Variants in TPRG1 observed in about 807,000 individuals in gnomAD.
TPRG1 encodes tumor protein p63 regulated 1, also known as tumor protein p63-regulated gene 1 protein.
TPRG1 carries 29 observed loss-of-function variants against 29.3 expected under a neutral mutation model. That is an observed-to-expected ratio of 0.99 (90% CI 0.74 to 1.35). TPRG1 has a LOEUF of 1.35. Ranked by LOEUF, TPRG1 falls within the 40% of genes most tolerant of loss-of-function variation. The pLI, the probability that TPRG1 is intolerant of heterozygous loss-of-function variation, is 0.00. For missense variants in TPRG1, 327 were observed against 335.0 expected (o/e 0.98, Z 0.19); for synonymous variants, 130 against 116.8 (o/e 1.11, Z -0.73).
chr3:189,130,858 A>G (rs11916088), intron 2 of TPRG1, among the ~76,000 whole-genome samples: 51,740 of 152,054 alleles, frequency 0.34, 10,401 homozygotes, highest in African/African-American at 0.53. Context: ...TGAGTTTGAG[A>G]TGCAGGGAAT....
chr3:189,064,661 A>G (rs530302232), intron 4 of TPRG1, among the ~76,000 whole-genome samples: 3 of 152,166 alleles, frequency 2.0e-5, no homozygotes, highest in Non-Finnish European at 4.4e-5. Flanking sequence ...AAGTGAGATG[A>G]CATCCCTAAT....
intron 3 of TPRG1, among the ~76,000 whole-genome samples, chr3:189,147,391 C>T (rs1246825691): frequency 3.3e-5 from 5 of 152,124 alleles, no homozygotes; most frequent in African/African-American, 4.8e-5. Flanking sequence ...TGGCAGCCAC[C>T]CCTCCCTGCT....
chr3:189,047,926 C>A (rs1038593426), intron 4 of TPRG1, among the ~76,000 whole-genome samples: 1 of 152,164 alleles, frequency 6.6e-6, no homozygotes. Context: ...AAGTCTGGAA[C>A]CCCTCAGTTA....
rs1457979852 is a variant in TPRG1, at chr3:189,238,874, G to A, written c.444G>A (p.Leu148=). ...IPLSAVYRIC[L]GKFTFPGMSL... is the part of the protein sequence containing the mutation. The stretch of plus-strand genomic sequence containing the variant: ...TGAGCGCTGTCTATCGCATCTGCCT[G>A]GGCAAGTTCACCTTCCCTGGGATGT... The change falls in exon 4 of 6, where the codon CTG becomes CTA. Residue 148 remains leucine (L), a synonymous_variant. Coordinates refer to ENST00000345063, the MANE Select transcript of TPRG1 (RefSeq NM_198485.4). 6.2e-7 allele frequency: 1 copy of A among 1,613,248 alleles called. No homozygotes were observed. The highest frequency in any genetic ancestry group is 2.2e-5 in the East Asian group (1 of 44,850).
chr3:189,323,295 T>C lies in TPRG1; in HGVS notation c.*2475T>C, dbSNP rs752430632. On this transcript the variant is annotated 3_prime_UTR_variant, in exon 6 of 6. Coordinates refer to ENST00000345063, the MANE Select transcript of TPRG1 (RefSeq NM_198485.4). ...GCTAGTACTTAGTTAATTAGACCCA[T>C]TTTTTTCTTAGGAAAGAGTTGGATC... 6.6e-6 allele frequency: 1 copy of C among 152,036 alleles called. No homozygotes were observed. The highest frequency in any genetic ancestry group is 6.6e-5 in the Admixed American group (1 of 15,246). The allele number at this position is 152,036 out of a possible 1,614,324, so 9.4% of individuals were successfully genotyped here.
rs1263214783 is a variant in TPRG1, at chr3:189,144,618, TG to T, written c.-290-2965del. ...TGCATCTTATCACAGGACTAAACAG[TG>T]AAGCCAGGAAATAGTATGAGTTTCC... On this transcript the variant is annotated intron_variant, in intron 3 of 6. Coordinates refer to the TPRG1 transcript ENST00000412373. 2.0e-5 allele frequency among the ~76,000 whole-genome samples: 3 copies of T among 152,210 alleles called. 1 individual carries two copies. Among genetic ancestry groups the T allele is most frequent in the African/African-American group, 7.2e-5 (3 of 41,460 alleles).
chr3:189,186,416 T>C (rs554356035), intron 1 of TPRG1, among the ~76,000 whole-genome samples: 1 of 152,336 alleles, frequency 6.6e-6, no homozygotes, highest in Non-Finnish European at 1.5e-5. Flanking sequence ...GATGTTTTTT[T>C]CCTTGTTGAA....
intron 4 of TPRG1, among the ~76,000 whole-genome samples, chr3:189,300,250 C>A (rs2109259724): frequency 6.6e-6 from 1 of 152,250 alleles, no homozygotes; most frequent in Admixed American, 6.5e-5. Context: ...GTCTTTAGAC[C>A]TAACTTTCCT....
intron 3 of TPRG1, among the ~76,000 whole-genome samples, chr3:189,006,218 T>C (rs1287959832): frequency 1.3e-5 from 2 of 152,122 alleles, no homozygotes; most frequent in Non-Finnish European, 2.9e-5. Context: ...CAAGTCTAGA[T>C]TTTGTCTCTT....
intron 1 of TPRG1, among the ~76,000 whole-genome samples, chr3:189,177,150 A>T (rs1383043315): frequency 6.6e-6 from 1 of 152,172 alleles, no homozygotes; most frequent in Non-Finnish European, 1.5e-5. Context: ...TGGCTGATAT[A>T]TAGAATGAGG....
intron 4 of TPRG1, among the ~76,000 whole-genome samples, chr3:189,047,223 A>G (rs1353940967): frequency 6.6e-6 from 1 of 152,134 alleles, no homozygotes. Flanking sequence ...ATTTGCTTCC[A>G]CTCTACTGTC....
intron 4 of TPRG1, among the ~76,000 whole-genome samples, chr3:189,031,152 G>A (rs1045843434): frequency 4.6e-5 from 7 of 152,020 alleles, no homozygotes; most frequent in South Asian, 2.1e-4. Flanking sequence ...TTATCCAGAC[G>A]TGGTGTCAGG....
intron 4 of TPRG1, among the ~76,000 whole-genome samples, chr3:189,274,787 C>A (rs1211879333): frequency 6.6e-6 from 1 of 152,058 alleles, no homozygotes. Flanking sequence ...TGAAGATAAT[C>A]AATTAATTTT....
intron 4 of TPRG1, among the ~76,000 whole-genome samples, chr3:189,032,756 C>A (rs1247140276): frequency 3.2e-4 from 35 of 109,702 alleles, no homozygotes; most frequent in African/African-American, 8.4e-4. Flanking sequence ...CCTCCCCCCA[C>A]CCCACAACAG....
At chr3:189,095,020 C>T (rs1041984049) in intron 4 of TPRG1, among the ~76,000 whole-genome samples, 1 of 152,182 alleles carries the variant, frequency 6.6e-6, no homozygotes, top group African/African-American at 2.4e-5. Flanking sequence ...TGATTGTAGA[C>T]TTCCTTACAG....
chr3:189,132,414 T>C (rs745938906), exon 3 of TPRG1: 1 of 152,176 alleles, frequency 6.6e-6, no homozygotes, highest in African/African-American at 2.4e-5. Context: ...GTTTGTCAAA[T>C]GTGTGCGACC....
chr3:189,303,601 T>C (rs1357039271), intron 4 of TPRG1, among the ~76,000 whole-genome samples: 1 of 152,208 alleles, frequency 6.6e-6, no homozygotes, highest in East Asian at 1.9e-4. Flanking sequence ...AAAAATGGAA[T>C]AATATGACAT....
chr3:189,259,755 C>A lies in TPRG1; in HGVS notation c.479+20846C>A, dbSNP rs76257588. Among the ~76,000 whole-genome samples the A allele has an allele frequency of 3.2e-3, 490 of 152,220 alleles. 2 individuals carry two copies. Among genetic ancestry groups the A allele is most frequent in the African/African-American group, 0.011 (469 of 41,528 alleles). ...AGACTGCTGGGATTATAGGTGCAAA[C>A]CACCATGTCTGGCCTATTTGTTTTT... On this transcript the variant is annotated intron_variant, in intron 4 of 5. Coordinates refer to ENST00000345063, the MANE Select transcript of TPRG1 (RefSeq NM_198485.4).
At chr3:189,064,392 C>A (rs1167073997) in intron 4 of TPRG1, among the ~76,000 whole-genome samples, 8 of 151,826 alleles carry the variant, frequency 5.3e-5, no homozygotes, top group Non-Finnish European at 7.4e-5. Flanking sequence ...AAAGTTGGAG[C>A]AACTCAGGAC....
Sources: allele counts gnomAD v4.1 joint callset (sites outside exome capture counted in the v4.1 genomes callset), GRCh38; gene constraint gnomAD v4.1.1; transcripts MANE v1.5; gene names NCBI Gene and HGNC (gene_info 2026-07-23, HGNC 2026-07-21).